SZRD1: variants seen among roughly 807,000 people sequenced by gnomAD.
SZRD1 encodes the protein SUZ RNA binding domain containing 1, also known as SUZ RNA-binding domain-containing.
Under a neutral mutation model 17.6 loss-of-function variants are expected in SZRD1, and 7 were observed. That is an observed-to-expected ratio of 0.40 (90% confidence interval 0.23 to 0.75). SZRD1 has a LOEUF of 0.75. Among genes scored for constraint, SZRD1 ranks in the 30% least tolerant of loss-of-function variants. The pLI, the probability that SZRD1 is intolerant of heterozygous loss-of-function variation, is 0.38. For synonymous variants in SZRD1, 77 were observed against 77.9 expected (o/e 0.99, Z 0.06); for missense variants, 178 against 201.8 (o/e 0.88, Z 0.71).
intron 1 of SZRD1, among the ~76,000 whole-genome samples, chr1:16,376,112 A>G (rs1264917039): frequency 6.6e-6 from 1 of 152,188 alleles, no homozygotes; most frequent in Non-Finnish European, 1.5e-5. Context: ...TGTGAGGTGT[A>G]GGTGCTATTA....
chr1:16,379,391 C>G (rs777713721), intron 1 of SZRD1, among the ~76,000 whole-genome samples: 1 of 152,210 alleles, frequency 6.6e-6, no homozygotes, highest in African/African-American at 2.4e-5. Context: ...GCGTGAGCCA[C>G]TACGCCCTGC....
At chr1:16,384,929 T>C (rs1192235468) in intron 1 of SZRD1, among the ~76,000 whole-genome samples, 1 of 152,136 alleles carries the variant, frequency 6.6e-6, no homozygotes, top group Non-Finnish European at 1.5e-5. Flanking sequence ...CAGCGATTCA[T>C]AGGGAGCTCA....
chr1:16,394,438 G>A (rs975291046), intron 3 of SZRD1, among the ~76,000 whole-genome samples: 35 of 152,174 alleles, frequency 2.3e-4, no homozygotes, highest in Admixed American at 5.9e-4. Context: ...GCTATCCATG[G>A]TCACTGCCTC....
chr1:16,377,562 C>CAAA (rs34066824), intron 1 of SZRD1, among the ~76,000 whole-genome samples: 4 of 62,044 alleles, frequency 6.4e-5, no homozygotes, highest in Admixed American at 1.8e-4. Flanking sequence ...GACTCTGTCT[C>CAAA]AAAAAAAAAA....
In SZRD1 at chr1:16,395,328, C is replaced by G; in HGVS notation, c.*188C>G. 3 of 631,196 alleles carry G rather than the reference C, an allele frequency of 4.8e-6. No homozygotes were observed. The highest frequency in any genetic ancestry group is 3.5e-5 in the South Asian group (2 of 56,870). 39.1% of individuals were successfully genotyped at this position (631,196 alleles called of 1,614,324 possible). A position where few individuals can be genotyped will look rare whatever the true frequency, so the allele number is the denominator to read the frequency against. On this transcript the variant is annotated 3_prime_UTR_variant, in exon 4 of 4. Coordinates refer to ENST00000401088, the MANE Select transcript of SZRD1 (RefSeq NM_001114600.3). ...CATGCACTGTGACCTCCCCCCTTCT[C>G]CCCCTTCCCACTGTGATTGGCACAT... is the stretch of plus-strand genomic sequence containing the variant.
intron 1 of SZRD1, among the ~76,000 whole-genome samples, chr1:16,386,292 A>G (rs954997715): frequency 6.6e-6 from 1 of 152,216 alleles, no homozygotes; most frequent in Admixed American, 6.5e-5. Context: ...TCAGGCCTCT[A>G]ACACAGGAGC....
chr1:16,381,098 A>C (rs7538255), intron 1 of SZRD1, among the ~76,000 whole-genome samples: 1,635 of 151,064 alleles, frequency 0.011, 30 homozygotes, highest in African/African-American at 0.036. Flanking sequence ...AAAAAAAAAA[A>C]AAAAAACTAG....
chr1:16,367,681 G>A (rs1013106197), intron 1 of SZRD1: 4 of 264,564 alleles, frequency 1.5e-5, no homozygotes, highest in African/African-American at 4.5e-5. Context: ...TGCTCTGACC[G>A]GGACGGACAC....
intron 1 of SZRD1, among the ~76,000 whole-genome samples, chr1:16,390,934 CA>C (rs2085212798): frequency 6.6e-6 from 1 of 152,040 alleles, no homozygotes; most frequent in South Asian, 2.1e-4. Flanking sequence ...GAGGCATGCT[CA>C]GAAGCTTTGA....
At position 16,393,476 on chromosome 1, in the gene SZRD1, T is replaced by A; in HGVS notation, c.350T>A (p.Leu117His). ...SPEEEQEKPI[L>H]DRPTRISQPE... Reference sequence around the variant, plus strand: ...GAGGAGGAGCAGGAGAAACCCATCCTCGACAGGTGAGTGTGGCTGGCAGGG... The same window carrying A: ...GAGGAGGAGCAGGAGAAACCCATCCACGACAGGTGAGTGTGGCTGGCAGGG... The change falls in exon 3 of 4, where the codon CTC becomes CAC. Residue 117 changes from leucine (L) to histidine (H), a missense_variant. Transcript: ENST00000401088. The surrounding 1 kb of genome is among the most constrained non-coding windows in gnomAD (Gnocchi z 5.6). 6.2e-7 allele frequency: 1 copy of A among 1,610,164 alleles called. No individual in the cohort carries two copies. Among genetic ancestry groups the A allele is most frequent in the Non-Finnish European group, 8.5e-7 (1 of 1,178,620 alleles).
chr1:16,383,189 C>T (rs1258542375), intron 1 of SZRD1, among the ~76,000 whole-genome samples: 4 of 145,758 alleles, frequency 2.7e-5, no homozygotes, highest in Non-Finnish European at 3.0e-5. Flanking sequence ...TCCTTCCTTC[C>T]TTCCTTCCTT....
intron 1 of SZRD1, chr1:16,367,703 G>A (rs1464914794): frequency 4.6e-6 from 1 of 215,248 alleles, no homozygotes; most frequent in African/African-American, 2.3e-5. Context: ...CCATGTGGGT[G>A]GTGGTGGGGC....
chr1:16,378,178 A>G (rs952366510), intron 1 of SZRD1, among the ~76,000 whole-genome samples: 7 of 152,030 alleles, frequency 4.6e-5, no homozygotes, highest in African/African-American at 9.6e-5. Flanking sequence ...AAAACAATAC[A>G]TTGTCTCAAG....
At chr1:16,379,042 T>C (rs116407279) in intron 1 of SZRD1, among the ~76,000 whole-genome samples, 4,095 of 150,376 alleles carry the variant, frequency 0.027, 182 homozygotes, top group African/African-American at 0.093. Context: ...ATATCCTACT[T>C]TATTAGCTCC....
rs2085184870 is a variant in SZRD1, at chr1:16,389,305, C to T, written c.52-2070C>T. Among the ~76,000 whole-genome samples, 4 of 151,098 alleles carry T rather than the reference C, an allele frequency of 2.6e-5. No individual in the cohort carries two copies. In the South Asian group the frequency reaches 8.3e-4, roughly 32 times the overall value. Reference sequence around the variant, plus strand: ...GGGGGGGCAGAGTCTTGCTCTGTCGCCCAGGCTGGAGTGCAGTGGCGCCAT... The same window carrying T: ...GGGGGGGCAGAGTCTTGCTCTGTCGTCCAGGCTGGAGTGCAGTGGCGCCAT... On this transcript the variant is annotated intron_variant, in intron 1 of 3. Transcript: ENST00000401088.
At chr1:16,374,977 G>C (rs1239104140) in intron 1 of SZRD1, among the ~76,000 whole-genome samples, 1 of 150,946 alleles carries the variant, frequency 6.6e-6, no homozygotes, top group South Asian at 2.1e-4. Flanking sequence ...TCCCGGGTTC[G>C]AGCGATTCTC....
chr1:16,382,022 C>G (rs1477608615), intron 1 of SZRD1, among the ~76,000 whole-genome samples: 1 of 152,162 alleles, frequency 6.6e-6, no homozygotes, highest in African/African-American at 2.4e-5. Context: ...ATTGTTTTGT[C>G]TTGAACAGTG....
intron 1 of SZRD1, among the ~76,000 whole-genome samples, chr1:16,372,110 T>TTTTTTC (rs772551370): frequency 3.0e-4 from 45 of 152,318 alleles, no homozygotes; most frequent in Middle Eastern, 3.4e-3. Context: ...TGGCAAACAC[T>TTTTTTC]TTTTTCTTTT....
At chr1:16,389,967 T>A (rs2085196926) in intron 1 of SZRD1, among the ~76,000 whole-genome samples, 1 of 152,230 alleles carries the variant, frequency 6.6e-6, no homozygotes, top group Non-Finnish European at 1.5e-5. Flanking sequence ...TGTGGGGCTG[T>A]CCTGTACACT....
Sources: allele counts gnomAD v4.1 joint callset (sites outside exome capture counted in the v4.1 genomes callset), GRCh38; gene constraint gnomAD v4.1.1; non-coding constraint Gnocchi (gnomAD v3.1); transcripts MANE v1.5; gene names NCBI Gene and HGNC (gene_info 2026-07-23, HGNC 2026-07-21).